The following LAPTM5 variants were observed in gnomAD, a reference collection of about 807,000 sequenced individuals.
The protein encoded by LAPTM5 is lysosomal protein transmembrane 5.
Under a neutral mutation model 30.1 loss-of-function variants are expected in LAPTM5, and 11 were observed. The observed-to-expected ratio is 0.37, with a 90% confidence interval of 0.23 to 0.60. The LOEUF is 0.60. LAPTM5 is among the 20% of genes least tolerant of loss of function. The probability of loss-of-function intolerance (pLI) is 0.71; values close to 1 mark genes in which losing one functional copy is unlikely to be tolerated. For missense variants in LAPTM5, 324 were observed against 332.5 expected, an observed-to-expected ratio of 0.97 and a Z score of 0.20; for synonymous variants, 151 against 137.9, an observed-to-expected ratio of 1.10 and a Z score of -0.67.
At chr1:30,741,531 A>G in intron 3 of LAPTM5, 109 bp downstream of exon 3, 1 of 628,708 alleles carries the variant, frequency 1.6e-6, no homozygotes, top group South Asian at 2.5e-5. Context: ...CGCAGGTGGG[A>G]CCGCCTAACA....
intron 7 of LAPTM5, among the ~76,000 whole-genome samples, chr1:30,734,687 G>A (rs1301988113): frequency 6.6e-6 from 1 of 152,236 alleles, no homozygotes; most frequent in African/African-American, 2.4e-5. Flanking sequence ...TTTCCAATAA[G>A]CTGCTTCTAA....
chr1:30,739,296 T>C lies in LAPTM5; in HGVS notation c.388-234A>G, dbSNP rs914077754. 3 of 467,998 alleles carry C rather than the reference T, an allele frequency of 6.4e-6. No individual in the cohort carries two copies. The East Asian group carries it at 1.2e-4, about 19-fold the overall frequency. 29.0% of individuals were successfully genotyped at this position (467,998 alleles called of 1,614,324 possible). A position where few individuals can be genotyped will look rare whatever the true frequency, so the allele number is the denominator to read the frequency against. On this transcript the variant is annotated intron_variant, in intron 4 of 7. Coordinates refer to ENST00000294507, the MANE Select transcript of LAPTM5 (RefSeq NM_006762.3). The surrounding 1 kb of genome is among the most constrained non-coding windows in gnomAD (Gnocchi z 4.2). ...CTCCCGGGCCAGGGCCCTTCCATGA[T>C]GTAGCCCCCCGGTCTCTTCAAGGAC... is the stretch of plus-strand genomic sequence containing the variant.
In LAPTM5 at chr1:30,749,702, G is replaced by A. The variant is rs1392987999; in HGVS notation, c.88-7153C>T. ...CAGGGCGGGCTTCTCAGAGGAGGTG[G>A]ATCTTGAAGAAGATTCCCCGAAAGA... On this transcript the variant is annotated intron_variant, in intron 1 of 7. Coordinates refer to ENST00000294507, the MANE Select transcript of LAPTM5 (RefSeq NM_006762.3). Among the ~76,000 whole-genome samples, 5 of 152,154 alleles carry A rather than the reference G, an allele frequency of 3.3e-5. No individual in the cohort carries two copies. In the East Asian group the frequency reaches 9.6e-4, roughly 29 times the overall value.
In LAPTM5 at chr1:30,735,269, G is replaced by A; in HGVS notation, c.607-4C>T. The A allele has an allele frequency of 6.2e-7, 1 of 1,613,366 alleles. No homozygotes were observed. ...ACACGCACTTGAACATGTAGACCTG[G>A]AAAAAGGCCCAGGTCAGGCTGTGCT... On this transcript the variant is annotated splice_region_variant and splice_polypyrimidine_tract_variant and intron_variant, in intron 6 of 7. Coordinates refer to ENST00000294507, the MANE Select transcript of LAPTM5 (RefSeq NM_006762.3).
At chr1:30,735,106 G>A (rs1639867068) in intron 7 of LAPTM5, 67 bp downstream of exon 7, 1 of 1,125,378 alleles carries the variant, frequency 8.9e-7, no homozygotes, top group Non-Finnish European at 1.4e-6. Context: ...AGAGAGGGAA[G>A]GAAACTTGAC....
At position 30,739,077 on chromosome 1, in the gene LAPTM5, T is replaced by A. The variant is rs1301116826; in HGVS notation, c.388-15A>T. On this transcript the variant is annotated splice_polypyrimidine_tract_variant and intron_variant, in intron 4 of 7. Transcript: ENST00000294507. This position sits in a 1 kb window ranked among gnomAD's most constrained non-coding sequence, Gnocchi z 4.2. ...TTGGAGGAGCTCTGGGGAGGACAAA[T>A]ACAAGGAGGAGGAATGAGGAGCAGC... 3.2e-6 allele frequency: 5 copies of A among 1,576,920 alleles called. No individual in the cohort carries two copies. In the South Asian group the frequency reaches 5.8e-5, roughly 18 times the overall value.
chr1:30,753,592 A>G (rs1330685894), intron 1 of LAPTM5, among the ~76,000 whole-genome samples: 2 of 152,144 alleles, frequency 1.3e-5, no homozygotes, highest in Non-Finnish European at 2.9e-5. Flanking sequence ...CCTGACAAAT[A>G]CTCCTCGAAC....
chr1:30,752,837 G>A (rs115008385), intron 1 of LAPTM5, among the ~76,000 whole-genome samples: 4,744 of 151,440 alleles, frequency 0.031, 75 homozygotes, highest in Non-Finnish European at 0.036. Context: ...TTTTTAAAGA[G>A]TCTCACTCTG....
chr1:30,753,842 A>G (rs2124201371), intron 1 of LAPTM5, among the ~76,000 whole-genome samples: 1 of 152,354 alleles, frequency 6.6e-6, no homozygotes, highest in Admixed American at 6.5e-5. Flanking sequence ...GCAATAGAGG[A>G]ACTAGGCATG....
Position 30,757,633 on chromosome 1 carries a change from C to A in LAPTM5, c.87+26G>T, listed in dbSNP as rs113411400. On this transcript the variant is annotated intron_variant, in intron 1 of 7. Coordinates refer to ENST00000294507, the MANE Select transcript of LAPTM5 (RefSeq NM_006762.3). ...TCACACTCACACAAGCACGCACGCACACACACCCGGGGCCCGCACACTCAC... is the reference window on the plus strand; with the variant it reads ...TCACACTCACACAAGCACGCACGCAAACACACCCGGGGCCCGCACACTCAC... 289 of 1,609,196 alleles carry A rather than the reference C, an allele frequency of 1.8e-4. 1 individual carries two copies. The African/African-American group carries it at 3.4e-3, about 19-fold the overall frequency.
intron 5 of LAPTM5, among the ~76,000 whole-genome samples, chr1:30,738,292 T>C (rs1449374220): frequency 6.6e-6 from 1 of 152,184 alleles, no homozygotes; most frequent in Non-Finnish European, 1.5e-5. Context: ...GACACTGCCT[T>C]TCCTCCTTGC....
Position 30,739,966 on chromosome 1 carries a change from G to A in LAPTM5, c.259-29C>T. 1 of 1,537,130 alleles carries A rather than the reference G, an allele frequency of 6.5e-7. No homozygotes were observed. The highest frequency in any genetic ancestry group is 1.2e-5 in the South Asian group (1 of 81,094). On this transcript the variant is annotated intron_variant, in intron 3 of 7. Transcript: ENST00000294507. The surrounding 1 kb of genome is among the most constrained non-coding windows in gnomAD (Gnocchi z 4.2). ...AAAGGTAGGCCCAGCACCGTCAAGT[G>A]TCCCCTGCATGCAGCCAACACTCCG...
At chr1:30,740,058 G>A in intron 3 of LAPTM5, 121 bp from the exon 4 acceptor site, 2 of 1,154,178 alleles carry the variant, frequency 1.7e-6, no homozygotes, top group East Asian at 3.2e-5. Context: ...GCCCTCCTCA[G>A]TTGAGGTCAC....
Position 30,739,929 on chromosome 1 carries a change from C to T in LAPTM5, c.267G>A (p.Glu89=). The T allele has an allele frequency of 1.9e-6, 3 of 1,595,938 alleles. No homozygotes were observed. Among genetic ancestry groups the T allele is most frequent in the Middle Eastern group, 1.7e-4 (1 of 5,980 alleles). ...SLLIGVVKNR[E]KYLLPFLSLQ... is the part of the protein sequence containing the mutation. ...GGGACAGGAAGGGCAGCAGGTACTT[C>T]TCCCGGTTCTGAAAGGTAGGCCCAG... Residue 89 remains glutamate, a synonymous_variant, in exon 4 of 8, where the codon GAG becomes GAA. Transcript: ENST00000294507. This position sits in a 1 kb window ranked among gnomAD's most constrained non-coding sequence, Gnocchi z 4.2.
intron 1 of LAPTM5, among the ~76,000 whole-genome samples, chr1:30,743,802 T>G (rs901675055): frequency 6.8e-6 from 1 of 146,634 alleles, no homozygotes; most frequent in Non-Finnish European, 1.5e-5. Context: ...TGGGTTTTTT[T>G]TTTTTTTTTT....
intron 1 of LAPTM5, among the ~76,000 whole-genome samples, chr1:30,750,678 T>C (rs1178469206): frequency 6.6e-6 from 1 of 152,234 alleles, no homozygotes; most frequent in Admixed American, 6.5e-5. Context: ...AAGGCTGCCT[T>C]CCCTGCCTCC....
At chr1:30,735,372 G>T in intron 6 of LAPTM5, 107 bp from the exon 7 acceptor site, 3 of 859,298 alleles carry the variant, frequency 3.5e-6, no homozygotes, top group Non-Finnish European at 5.8e-6. Context: ...CCAGAAGCCA[G>T]CATCCAGCTG....
chr1:30,735,216 A>G lies in LAPTM5; in HGVS notation c.656T>C (p.Met219Thr), dbSNP rs374608139. The change falls in exon 7 of 8, where the codon ATG (methionine) becomes ACG (threonine). Residue 219 changes from methionine to threonine, a missense_variant. Physicochemically the swap from Met to Thr is moderately conservative, Grantham distance 81. Transcript: ENST00000294507. ...VWRCYRLIKC[M>T]NSVEEKRNSK... ...GTTTCTCTTCTCCTCCACCGAGTTCATGCACTTGATCAATCTGTAGCACCG... is the reference window on the plus strand; with the variant it reads ...GTTTCTCTTCTCCTCCACCGAGTTCGTGCACTTGATCAATCTGTAGCACCG... 1.1e-5 allele frequency: 18 copies of G among 1,613,912 alleles called. No homozygotes were observed. The highest frequency in any genetic ancestry group is 3.3e-5 in the South Asian group (3 of 91,078).
At chr1:30,744,824 T>G (rs1260843578) in intron 1 of LAPTM5, among the ~76,000 whole-genome samples, 1 of 152,140 alleles carries the variant, frequency 6.6e-6, no homozygotes, top group Non-Finnish European at 1.5e-5. Flanking sequence ...TGATCATGCA[T>G]CTATGTCAGT....
Sources: gnomAD v4.1 joint callset for allele counts (sites outside exome capture counted in the v4.1 genomes callset) on GRCh38, gnomAD v4.1.1 for gene constraint, Gnocchi (gnomAD v3.1) non-coding constraint, MANE v1.5 for transcripts, NCBI Gene and HGNC (gene_info 2026-07-23, HGNC 2026-07-21) for gene names.